CDK12: variants seen among roughly 807,000 people sequenced by gnomAD.
The protein encoded by CDK12 is cyclin dependent kinase 12.
Under a neutral mutation model 133.8 loss-of-function variants are expected in CDK12, and 17 were observed. That is an observed-to-expected ratio of 0.13 (90% CI 0.09 to 0.19). The LOEUF (loss-of-function observed/expected upper bound fraction) is 0.19, where lower values mean the gene tolerates loss of function less well. CDK12 is among the 10% of genes least tolerant of loss of function. The pLI, the probability that CDK12 is intolerant of heterozygous loss-of-function variation, is 1.00. For synonymous variants in CDK12, 694 were observed against 683.6 expected (o/e 1.02, Z -0.24); for missense variants, 1,508 against 1,818.7 (o/e 0.83, Z 3.11).
intron 1 of CDK12, chr17:39,550,565 A>G (rs2055913324): frequency 6.6e-6 from 1 of 152,282 alleles, no homozygotes; most frequent in Non-Finnish European, 1.5e-5. Context: ...GACAAGAGCT[A>G]TGGACCATAG....
chr17:39,511,555 C>T lies in CDK12; in HGVS notation c.2693C>T (p.Thr898Ile). ...CGCCCTTACACAAACAAAGTCATTA[C>T]TTTGTGGTACCGACCTCCAGAACTA... ...ESRPYTNKVI[T>I]LWYRPPELLL... is the part of the protein sequence containing the mutation. Residue 898 changes from threonine (T) to isoleucine (I), a missense_variant, in exon 8 of 14, where the codon ACT (threonine) becomes ATT (isoleucine). By Grantham distance (89) the Thr-to-Ile change is moderately conservative. Around this residue, in one of 9 missense-constraint regions of CDK12, gnomAD observed 82 missense variants for 201.5 expected, o/e 0.41. Coordinates refer to ENST00000447079, the MANE Select transcript of CDK12 (RefSeq NM_016507.4). 1 of 1,611,300 alleles carries T rather than the reference C, an allele frequency of 6.2e-7. No individual in the cohort carries two copies. The highest frequency in any genetic ancestry group is 8.5e-7 in the Non-Finnish European group (1 of 1,177,868).
chr17:39,566,037 C>T (rs2056563247), downstream of CDK12, among the ~76,000 whole-genome samples: 1 of 152,158 alleles, frequency 6.6e-6, no homozygotes, highest in Admixed American at 6.6e-5. Context: ...CCTGTGATCC[C>T]AGGTTATTAT....
chr17:39,531,385 A>G lies in CDK12; in HGVS notation c.*69A>G. The G allele has an allele frequency of 7.5e-7, 1 of 1,333,954 alleles. No homozygotes were observed. Among genetic ancestry groups the G allele is most frequent in the South Asian group, 2.4e-5 (1 of 41,366 alleles). 82.6% of individuals were successfully genotyped at this position (1,333,954 alleles called of 1,614,324 possible). ...CTTCCATCCAGTTCTCTGAATCTTT[A>G]ATGAAATCATTTGCCAGAGCGAGGT... On this transcript the variant is annotated 3_prime_UTR_variant, in exon 14 of 14. Transcript: ENST00000447079.
intron 6 of CDK12, among the ~76,000 whole-genome samples, chr17:39,504,385 C>T (rs1398458468): frequency 6.6e-6 from 1 of 151,908 alleles, no homozygotes; most frequent in East Asian, 1.9e-4. Flanking sequence ...AATATGAATG[C>T]AAGATAGGCA....
intron 1 of CDK12, among the ~76,000 whole-genome samples, chr17:39,466,615 G>GGAAA (rs1567677231): frequency 6.4e-5 from 2 of 31,434 alleles, no homozygotes; most frequent in Non-Finnish European, 1.2e-4. Context: ...AACTCTATCT[G>GGAAA]AAAAAAAAAA....
rs1267510297 is a variant in CDK12, at chr17:39,531,562, C to T, written c.*246C>T. 5.1e-6 allele frequency: 2 copies of T among 389,510 alleles called. No individual in the cohort carries two copies. The highest frequency in any genetic ancestry group is 1.3e-4 in the South Asian group (1 of 7,974). 24.1% of individuals were successfully genotyped at this position (389,510 alleles called of 1,614,324 possible). On this transcript the variant is annotated 3_prime_UTR_variant, in exon 14 of 14. Transcript: ENST00000447079. ...TACTTCAACTCTACCTTAGTAGATA[C>T]AAGTAGAGAATATGGAGAGGATCAT...
Position 39,462,288 on chromosome 17 carries a change from T to G in CDK12, c.217T>G (p.Tyr73Asp). The change falls in exon 1 of 14, where the codon TAT (tyrosine) becomes GAT (aspartate). Residue 73 changes from tyrosine to aspartate, a missense_variant. Coordinates refer to ENST00000447079, the MANE Select transcript of CDK12 (RefSeq NM_016507.4). The part of the protein sequence containing the change: ...LGTVIKPLVE[Y>D]DDISSDSDTF... ...CACAGTTATCAAACCTTTGGTGGAG[T>G]ATGATGATATCAGCTCTGATTCCGA... is the stretch of plus-strand genomic sequence containing the variant. 6.2e-7 allele frequency: 1 copy of G among 1,613,874 alleles called. No homozygotes were observed. The highest frequency in any genetic ancestry group is 8.5e-7 in the Non-Finnish European group (1 of 1,179,962).
At chr17:39,556,300 A>T (rs2056161342) in exon 3 of CDK12, 1 of 152,404 alleles carries the variant, frequency 6.6e-6, no homozygotes, top group Non-Finnish European at 1.5e-5. Context: ...TGCCACCAGG[A>T]TCTGAACCCA....
At chr17:39,528,943 A>G (rs1398563297) in intron 13 of CDK12, among the ~76,000 whole-genome samples, 1 of 152,208 alleles carries the variant, frequency 6.6e-6, no homozygotes, top group South Asian at 2.1e-4. Context: ...TCTGAAATCT[A>G]TCATTACTTG....
At chr17:39,554,893 CAA>C (rs11367982) in intron 2 of CDK12, among the ~76,000 whole-genome samples, 1,100 of 87,344 alleles carry the variant, frequency 0.013, 16 homozygotes, top group African/African-American at 0.043. Context: ...GACTCCGTCT[CAA>C]AAAAAAAAAA....
intron 3 of CDK12, among the ~76,000 whole-genome samples, chr17:39,561,619 G>A (rs1160618596): frequency 6.6e-6 from 1 of 152,196 alleles, no homozygotes; most frequent in Non-Finnish European, 1.5e-5. Context: ...CAATTTGTAG[G>A]AGAGTAGGTT....
chr17:39,566,662 C>T (rs368449685), downstream of CDK12, among the ~76,000 whole-genome samples: 15 of 152,298 alleles, frequency 9.8e-5, no homozygotes, highest in Admixed American at 3.9e-4. Context: ...CTGGGCTCTA[C>T]GCCGTCTTGG....
chr17:39,511,172 G>A (rs899538260), intron 7 of CDK12, among the ~76,000 whole-genome samples: 6 of 143,162 alleles, frequency 4.2e-5, no homozygotes, highest in South Asian at 2.2e-4. Flanking sequence ...CCAAGATGGC[G>A]CCACTGCACT....
At chr17:39,539,096 A>C (rs2055291740), downstream of CDK12, among the ~76,000 whole-genome samples, 3 of 152,192 alleles carry the variant, frequency 2.0e-5, no homozygotes, top group South Asian at 6.2e-4. Flanking sequence ...TATTTGCCAA[A>C]CTGTTGAAAG....
At chr17:39,516,678 T>TC (rs2053827649) in intron 9 of CDK12, among the ~76,000 whole-genome samples, 1 of 148,438 alleles carries the variant, frequency 6.7e-6, no homozygotes, top group Non-Finnish European at 1.5e-5. Flanking sequence ...TTTTTTTTTT[T>TC]TTGAGATGGA....
rs879840168 is a variant in CDK12 at position 39,476,711 on chromosome 17, C to CTTTTTTTTTTTT, written c.1931+4966_1931+4977dup. On this transcript the variant is annotated intron_variant, in intron 2 of 13. Coordinates refer to ENST00000447079, the MANE Select transcript of CDK12 (RefSeq NM_016507.4). ...TACAGGCATGAGCCACCATGCCTGC[C>CTTTTTTTTTTTT]TTTTTTTTTTTTTTTTTTTTTTTTT... is the stretch of plus-strand genomic sequence containing the variant. 5.6e-4 allele frequency among the ~76,000 whole-genome samples: 47 copies of CTTTTTTTTTTTT among 84,526 alleles called. 6 individuals are homozygous for CTTTTTTTTTTTT. The highest frequency in any genetic ancestry group is 1.4e-3 in the African/African-American group (24 of 17,566). The allele number at this position is 84,526 out of a possible 152,430, so 55.5% of individuals were successfully genotyped here. A position where few individuals can be genotyped will look rare whatever the true frequency, so the allele number is the denominator to read the frequency against.
chr17:39,471,425 A>AC lies in CDK12; in HGVS notation c.1593_1594insC (p.Ile532HisfsTer43). 6.2e-7 allele frequency: 1 copy of AC among 1,613,454 alleles called. No homozygotes were observed. The highest frequency in any genetic ancestry group is 8.5e-7 in the Non-Finnish European group (1 of 1,179,606). ...AGGAGACCCCTCCACCTCTTCCCAC[A>AC]ATTGCTTCTCCCCCACCCCCTCTAC... On this transcript the variant is annotated frameshift_variant, in exon 2 of 14. Coordinates refer to ENST00000447079, the MANE Select transcript of CDK12 (RefSeq NM_016507.4). LOFTEE classifies it high-confidence loss of function.
At chr17:39,513,482 G>A (rs990506081) in intron 8 of CDK12, among the ~76,000 whole-genome samples, 1 of 152,240 alleles carries the variant, frequency 6.6e-6, no homozygotes, top group South Asian at 2.1e-4. Context: ...TTTTGTTCTG[G>A]ACAATTTGCT....
chr17:39,554,581 A>C (rs1303642465), intron 2 of CDK12, among the ~76,000 whole-genome samples: 1 of 152,164 alleles, frequency 6.6e-6, no homozygotes, highest in Non-Finnish European at 1.5e-5. Flanking sequence ...GGATCTGGTA[A>C]AGAGTAACAG....
Sources: allele counts gnomAD v4.1 joint callset (sites outside exome capture counted in the v4.1 genomes callset), GRCh38; gene constraint gnomAD v4.1.1; regional missense constraint gnomAD v4.1.1; transcripts MANE v1.5; gene names NCBI Gene and HGNC (gene_info 2026-07-23, HGNC 2026-07-21).